Variants in SDK2 observed in about 807,000 individuals in gnomAD.
SDK2 encodes the protein protein sidekick-2.
In SDK2, 105 loss-of-function variants were observed where a neutral mutation model predicts 253.9. That is an observed-to-expected ratio of 0.41 (90% confidence interval 0.35 to 0.49). SDK2 has a LOEUF of 0.49. Ranked by LOEUF, SDK2 falls within the 20% of genes least tolerant of loss-of-function variation. SDK2 has a pLI of 0.06. For missense variants in SDK2, 2,608 were observed against 3,003.0 expected, an observed-to-expected ratio of 0.87 and a Z score of 3.07; for synonymous variants, 1,249 against 1,234.9, an observed-to-expected ratio of 1.01 and a Z score of -0.24.
Position 73,422,421 on chromosome 17 carries a change from A to G in SDK2, c.1911T>C (p.Thr637=). The G allele has an allele frequency of 1.2e-5, 19 of 1,613,934 alleles. No homozygotes were observed. Among genetic ancestry groups the G allele is most frequent in the Non-Finnish European group, 1.4e-5 (17 of 1,179,860 alleles). ...LEMSENNAPW[T]VLLASVDPKA... ...TGGGGTCCACACTGGCCAGGAGTAC[A>G]GTCCAGGGGGCATCTGCAGGGACAG... Residue 637 remains threonine (T), a synonymous_variant, in exon 15 of 45, where the codon ACT becomes ACC. Coordinates refer to ENST00000392650, the MANE Select transcript of SDK2 (RefSeq NM_001144952.2).
chr17:73,394,939 C>G (rs1344710923), intron 25 of SDK2, among the ~76,000 whole-genome samples: 2 of 152,180 alleles, frequency 1.3e-5, no homozygotes, highest in Non-Finnish European at 2.9e-5. Context: ...CCCCCGCCCC[C>G]CTTGGGAATA....
intron 1 of SDK2, among the ~76,000 whole-genome samples, chr17:73,540,494 C>G (rs1196874219): frequency 1.3e-5 from 2 of 152,206 alleles, no homozygotes; most frequent in African/African-American, 4.8e-5. Context: ...CGCTGTGATT[C>G]TCCTAACAGA....
At chr17:73,563,778 T>C (rs2045271953) in intron 1 of SDK2, among the ~76,000 whole-genome samples, 1 of 136,380 alleles carries the variant, frequency 7.3e-6, no homozygotes, top group East Asian at 2.0e-4. Context: ...CTCTCACTGA[T>C]TTTTTTTTTT....
In SDK2 at chr17:73,511,623, C is replaced by T. The variant is rs760828486; in HGVS notation, c.65-4026G>A. Among the ~76,000 whole-genome samples, 28 of 152,162 alleles carry T rather than the reference C, an allele frequency of 1.8e-4. No individual in the cohort carries two copies. Among genetic ancestry groups the T allele is most frequent in the Non-Finnish European group, 3.4e-4 (23 of 68,010 alleles). Reference sequence around the variant, plus strand: ...GCTGGGGGCTCCACATCCCTCGCCTCCTGTGGTCCTCACAAGGTTCCTCTC... The same window carrying T: ...GCTGGGGGCTCCACATCCCTCGCCTTCTGTGGTCCTCACAAGGTTCCTCTC... On this transcript the variant is annotated intron_variant, in intron 1 of 44. Coordinates refer to ENST00000392650, the MANE Select transcript of SDK2 (RefSeq NM_001144952.2). This position sits in a 1 kb window ranked among gnomAD's most constrained non-coding sequence, Gnocchi z 4.9.
At chr17:73,415,350 C>CTTTTT (rs35201251) in intron 17 of SDK2, among the ~76,000 whole-genome samples, 9 of 122,126 alleles carry the variant, frequency 7.4e-5, no homozygotes, top group South Asian at 2.6e-4. Flanking sequence ...TTTCATTTCA[C>CTTTTT]TTTTTTTTTT....
chr17:73,429,905 A>G (rs1212532968), intron 12 of SDK2, among the ~76,000 whole-genome samples: 2 of 152,086 alleles, frequency 1.3e-5, no homozygotes, highest in South Asian at 4.1e-4. Flanking sequence ...GCTTCCACAG[A>G]GGCGGGACTG....
chr17:73,639,516 G>C lies in SDK2; in HGVS notation c.64+4509C>G, dbSNP rs905269336. On this transcript the variant is annotated intron_variant, in intron 1 of 44. Coordinates refer to ENST00000392650, the MANE Select transcript of SDK2 (RefSeq NM_001144952.2). This position sits in a 1 kb window ranked among gnomAD's most constrained non-coding sequence, Gnocchi z 4.3. ...AGGCAGTGGGCTGCAGCCGCCAGTT[G>C]CTGCTGGCCCATTTGTTGCTATTGG... Among the ~76,000 whole-genome samples, 1 of 152,216 alleles carries C rather than the reference G, an allele frequency of 6.6e-6. No individual in the cohort carries two copies. Among genetic ancestry groups the C allele is most frequent in the Non-Finnish European group, 1.5e-5 (1 of 68,038 alleles).
chr17:73,596,435 G>C (rs1029100616), intron 1 of SDK2, among the ~76,000 whole-genome samples: 3 of 152,170 alleles, frequency 2.0e-5, no homozygotes, highest in African/African-American at 7.2e-5. Context: ...TTCCTCATCT[G>C]CATAATGGGT....
At chr17:73,527,400 T>C (rs1567824092) in intron 1 of SDK2, among the ~76,000 whole-genome samples, 1 of 152,168 alleles carries the variant, frequency 6.6e-6, no homozygotes, top group Non-Finnish European at 1.5e-5. Flanking sequence ...GTCACCCTTA[T>C]GGCAGACAGA....
intron 2 of SDK2, among the ~76,000 whole-genome samples, chr17:73,483,281 C>A: frequency 6.8e-6 from 1 of 147,346 alleles, no homozygotes; most frequent in Non-Finnish European, 1.5e-5. Context: ...GACCCGCGGA[C>A]AACTCTGCAC....
At chr17:73,353,722 G>C (rs1271485976) in intron 40 of SDK2, among the ~76,000 whole-genome samples, 6 of 14,426 alleles carry the variant, frequency 4.2e-4, no homozygotes, top group Non-Finnish European at 1.0e-3. Flanking sequence ...TTTTTTTTTT[G>C]AGATGGAGTC....
chr17:73,474,216 T>A (rs2063670773), intron 2 of SDK2, among the ~76,000 whole-genome samples: 1 of 152,196 alleles, frequency 6.6e-6, no homozygotes, highest in Non-Finnish European at 1.5e-5. Context: ...CCCACTACCC[T>A]GACTTTTATG....
intron 36 of SDK2, among the ~76,000 whole-genome samples, chr17:73,374,856 C>G (rs550945840): frequency 6.6e-6 from 1 of 152,280 alleles, no homozygotes; most frequent in East Asian, 1.9e-4. Flanking sequence ...TCTGAGCCCC[C>G]TTCATGGCCC....
Position 73,344,364 on chromosome 17 carries a change from G to A in SDK2, c.6165+4235C>T, listed in dbSNP as rs563149406. On this transcript the variant is annotated intron_variant, in intron 44 of 44. Coordinates refer to ENST00000392650, the MANE Select transcript of SDK2 (RefSeq NM_001144952.2). The stretch of plus-strand genomic sequence containing the variant: ...AGGAGGCTCAAGGGAGGTCACTGGG[G>A]TGGGGTTGGAGGCAGTGAAGGCCTC... 3.3e-5 allele frequency among the ~76,000 whole-genome samples: 5 copies of A among 152,310 alleles called. No homozygotes were observed. In the East Asian group the frequency reaches 5.8e-4, roughly 18 times the overall value.
intron 44 of SDK2, among the ~76,000 whole-genome samples, chr17:73,345,471 C>G (rs2062474814): frequency 6.6e-6 from 1 of 152,172 alleles, no homozygotes; most frequent in South Asian, 2.1e-4. Context: ...TATAACGCAA[C>G]ATTCATTAGA....
At chr17:73,494,731 C>T (rs1220245225) in intron 2 of SDK2, among the ~76,000 whole-genome samples, 1 of 152,230 alleles carries the variant, frequency 6.6e-6, no homozygotes, top group Non-Finnish European at 1.5e-5. Context: ...CATCTGCCAC[C>T]ACCCTGCCTT....
intron 3 of SDK2, among the ~76,000 whole-genome samples, chr17:73,466,727 C>CA (rs1567789320): frequency 7.5e-6 from 1 of 133,994 alleles, no homozygotes; most frequent in Non-Finnish European, 1.5e-5. Flanking sequence ...CCCCCCCCCC[C>CA]GGCTTAGGCT....
intron 40 of SDK2, among the ~76,000 whole-genome samples, chr17:73,354,389 C>G (rs554760818): frequency 6.6e-6 from 1 of 152,296 alleles, no homozygotes; most frequent in East Asian, 1.9e-4. Flanking sequence ...CGGGTGCTGC[C>G]TGGGTCAGGG....
intron 11 of SDK2, among the ~76,000 whole-genome samples, chr17:73,430,928 G>A (rs1256568663): frequency 6.6e-6 from 1 of 152,218 alleles, no homozygotes; most frequent in Non-Finnish European, 1.5e-5. Context: ...CCTGGGCTCA[G>A]CCCAGACAAG....
Sources: gnomAD v4.1 joint callset for allele counts (sites outside exome capture counted in the v4.1 genomes callset) on GRCh38, gnomAD v4.1.1 for gene constraint, Gnocchi (gnomAD v3.1) non-coding constraint, MANE v1.5 for transcripts, NCBI Gene and HGNC (gene_info 2026-07-23, HGNC 2026-07-21) for gene names.